Variants in ECE1 observed in about 807,000 individuals in gnomAD.
The protein encoded by ECE1 is endothelin-converting enzyme 1.
Under a neutral mutation model 98.6 loss-of-function variants are expected in ECE1, and 35 were observed. The observed-to-expected ratio is 0.35, with a 90% CI of 0.27 to 0.47. The LOEUF (loss-of-function observed/expected upper bound fraction) is 0.47, where lower values mean the gene tolerates loss of function less well. Ranked by LOEUF, ECE1 falls within the 20% of genes least tolerant of loss-of-function variation. The pLI, the probability that ECE1 is intolerant of heterozygous loss-of-function variation, is 1.00. For missense variants in ECE1, 814 were observed against 1,025.3 expected (o/e 0.79, Z 2.81); for synonymous variants, 394 against 407.1 (o/e 0.97, Z 0.39).
At chr1:21,335,390 T>C (rs1022825510) in intron 1 of ECE1, among the ~76,000 whole-genome samples, 8 of 152,280 alleles carry the variant, frequency 5.3e-5, no homozygotes, top group Non-Finnish European at 1.2e-4. Context: ...TGCAGCTCCT[T>C]AGGGGCAGGC....
chr1:21,308,420 G>C lies in ECE1; in HGVS notation c.4-18264C>G, dbSNP rs1417042771. On this transcript the variant is annotated intron_variant, in intron 1 of 18. Transcript: ENST00000415912. ...AACGGCAAAGCACTCTCTATTTGGG[G>C]GAACAGCCCTTCTCTGGAATTGGGA... is the stretch of plus-strand genomic sequence containing the variant. Among the ~76,000 whole-genome samples, 4 of 152,238 alleles carry C rather than the reference G, an allele frequency of 2.6e-5. No individual in the cohort carries two copies. In the South Asian group the frequency reaches 8.3e-4, roughly 32 times the overall value.
intron 1 of ECE1, among the ~76,000 whole-genome samples, chr1:21,338,782 C>T (rs1255005151): frequency 2.0e-5 from 3 of 152,234 alleles, no homozygotes. Flanking sequence ...GGGCCATGTG[C>T]AGCTGGATGG....
upstream of ECE1, among the ~76,000 whole-genome samples, chr1:21,294,699 G>C (rs1237260198): frequency 6.6e-6 from 1 of 152,230 alleles, no homozygotes; most frequent in African/African-American, 2.4e-5. The surrounding 1 kb of genome is among the most constrained non-coding windows in gnomAD (Gnocchi z 4.2). Flanking sequence ...GACCCCCTTT[G>C]CCCAGACGAC....
chr1:21,255,857 G>A, intron 8 of ECE1, 90 bp downstream of exon 8: 1 of 1,364,274 alleles, frequency 7.3e-7, no homozygotes, highest in South Asian at 1.2e-5. Flanking sequence ...TCAAGGACTA[G>A]ATGAAATGAG....
At chr1:21,249,939 A>ATTTT (rs71014176) in intron 8 of ECE1, among the ~76,000 whole-genome samples, 14,646 of 134,558 alleles carry the variant, frequency 0.11, 845 homozygotes, top group South Asian at 0.17. Flanking sequence ...ACCTTGGCTA[A>ATTTT]TTTTTTTTTT....
chr1:21,221,597 T>C, intron 18 of ECE1, 150 bp downstream of exon 18: 1 of 846,236 alleles, frequency 1.2e-6, no homozygotes, highest in East Asian at 2.4e-5. Context: ...TCCGTGCATC[T>C]CTCTAATGAC....
chr1:21,235,699 G>T lies in ECE1; in HGVS notation c.1566+151C>A. 1.2e-6 allele frequency: 1 copy of T among 867,500 alleles called. No individual in the cohort carries two copies. The highest frequency in any genetic ancestry group is 1.9e-6 in the Non-Finnish European group (1 of 515,726). 53.7% of individuals were successfully genotyped at this position (867,500 alleles called of 1,614,324 possible). A position where few individuals can be genotyped will look rare whatever the true frequency, so the allele number is the denominator to read the frequency against. On this transcript the variant is annotated intron_variant, in intron 13 of 18. Transcript: ENST00000374893. The surrounding 1 kb of genome is among the most constrained non-coding windows in gnomAD (Gnocchi z 4.2). ...TAAGAAGAAGAAGAGGCTTCCTCAT[G>T]CCTGACCCATACCCAAGCCCCACAC...
At chr1:21,289,042 C>A (rs2098263595) in intron 2 of ECE1, among the ~76,000 whole-genome samples, 1 of 152,176 alleles carries the variant, frequency 6.6e-6, no homozygotes, top group Non-Finnish European at 1.5e-5. Context: ...GAGGATTATT[C>A]CCGCTTCTAA....
Position 21,225,426 on chromosome 1 carries a change from T to G in ECE1, c.1864A>C (p.Lys622Gln). The part of the protein sequence containing the change: ...AFDDQGREYD[K>Q]DGNLRPWWKN... The stretch of plus-strand genomic sequence containing the variant: ...CACCATGGCCGGAGGTTCCCGTCCT[T>G]GTCATACTCCCGTCCTGTGGGTCAG... The change falls in exon 17 of 19, where the codon AAG becomes CAG. Residue 622 changes from lysine (K) to glutamine (Q), a missense_variant. Physicochemically the swap from Lys to Gln is moderately conservative, Grantham distance 53 (BLOSUM62 1). Around this residue, in one of 3 missense-constraint regions of ECE1, gnomAD observed 452 missense variants for 567.3 expected, o/e 0.80. Coordinates refer to ENST00000374893, the MANE Select transcript of ECE1 (RefSeq NM_001397.3). The surrounding 1 kb of genome is among the most constrained non-coding windows in gnomAD (Gnocchi z 5.3). 1 of 1,614,136 alleles carries G rather than the reference T, an allele frequency of 6.2e-7. No homozygotes were observed. Among genetic ancestry groups the G allele is most frequent in the Non-Finnish European group, 8.5e-7 (1 of 1,180,014 alleles).
chr1:21,236,962 C>T, intron 11 of ECE1, 118 bp from the exon 12 acceptor site: 1 of 1,018,250 alleles, frequency 9.8e-7, no homozygotes, highest in Non-Finnish European at 1.5e-6. Context: ...AAGCGTCAGG[C>T]TGGGTGAGAA....
chr1:21,234,536 T>G (rs916266980), intron 13 of ECE1, among the ~76,000 whole-genome samples: 8 of 151,838 alleles, frequency 5.3e-5, no homozygotes, highest in Non-Finnish European at 1.0e-4. Flanking sequence ...TGGAGTGCAG[T>G]GGTGCAATCA....
Position 21,313,071 on chromosome 1 carries a change from C to T in ECE1, c.4-22915G>A, listed in dbSNP as rs534845484. Among the ~76,000 whole-genome samples, 33 of 152,262 alleles carry T rather than the reference C, an allele frequency of 2.2e-4. No individual in the cohort carries two copies. The South Asian group carries it at 6.8e-3, about 32-fold the overall frequency. On this transcript the variant is annotated intron_variant, in intron 1 of 18. Transcript: ENST00000415912. ...GGGCAGGACTGGACACCAGGTCTGTCTGACTCTAAACTACTTATTGTTTCC... is the reference window on the plus strand; with the variant it reads ...GGGCAGGACTGGACACCAGGTCTGTTTGACTCTAAACTACTTATTGTTTCC...
intron 1 of ECE1, among the ~76,000 whole-genome samples, chr1:21,330,627 G>C (rs1639179460): frequency 6.6e-6 from 1 of 152,140 alleles, no homozygotes; most frequent in Non-Finnish European, 1.5e-5. Context: ...TGCCATGCCT[G>C]GCACAGGAAA....
chr1:21,263,363 T>TTA (rs34726218), intron 4 of ECE1, among the ~76,000 whole-genome samples: 43,143 of 149,174 alleles, frequency 0.29, 6,638 homozygotes, highest in East Asian at 0.43. Context: ...TTATATTTAT[T>TTA]TTTTTTTTTT....
At chr1:21,311,330 G>A (rs2103390546) in intron 1 of ECE1, among the ~76,000 whole-genome samples, 1 of 152,140 alleles carries the variant, frequency 6.6e-6, no homozygotes, top group Admixed American at 6.5e-5. Flanking sequence ...AAACTCAGTA[G>A]GCGTGTCCCA....
chr1:21,236,891 G>C (rs1356461193), intron 11 of ECE1, 47 bp from the exon 12 acceptor site: 1 of 1,537,626 alleles, frequency 6.5e-7, no homozygotes, highest in Non-Finnish European at 9.0e-7. Flanking sequence ...ACTGGTCTCA[G>C]GTAAATGCAA....
At chr1:21,333,729 G>A (rs1639252591) in intron 1 of ECE1, among the ~76,000 whole-genome samples, 1 of 152,190 alleles carries the variant, frequency 6.6e-6, no homozygotes, top group African/African-American at 2.4e-5. Flanking sequence ...AACTACTTGG[G>A]AGGCTGAGGC....
intron 2 of ECE1, among the ~76,000 whole-genome samples, chr1:21,284,390 C>G (rs1483127028): frequency 1.3e-5 from 2 of 152,190 alleles, no homozygotes; most frequent in African/African-American, 4.8e-5. Flanking sequence ...AGAATCACTG[C>G]AGATGCTCAG....
chr1:21,287,683 AT>A (rs2098262187), intron 2 of ECE1, among the ~76,000 whole-genome samples: 1 of 152,204 alleles, frequency 6.6e-6, no homozygotes, highest in South Asian at 2.1e-4. Context: ...GAATAAATAT[AT>A]TTTTATATGT....
Sources: allele counts gnomAD v4.1 joint callset (sites outside exome capture counted in the v4.1 genomes callset), GRCh38; gene constraint gnomAD v4.1.1; regional missense constraint gnomAD v4.1.1; non-coding constraint Gnocchi (gnomAD v3.1); transcripts MANE v1.5; gene names NCBI Gene and HGNC (gene_info 2026-07-23, HGNC 2026-07-21).